The following ARID4B variants were observed in gnomAD, a reference collection of about 807,000 sequenced individuals.
ARID4B encodes AT-rich interaction domain 4B, also known as AT-rich interactive domain-containing protein 4B.
ARID4B carries 26 observed loss-of-function variants against 147.5 expected under a neutral mutation model. The observed-to-expected ratio is 0.18, with a 90% CI of 0.13 to 0.24. ARID4B has a LOEUF of 0.24. Ranked by LOEUF, ARID4B falls within the 10% of genes least tolerant of loss-of-function variation. The probability of loss-of-function intolerance (pLI) is 1.00; values close to 1 mark genes in which losing one functional copy is unlikely to be tolerated. For synonymous variants in ARID4B, 512 were observed against 507.9 expected, an observed-to-expected ratio of 1.01 and a Z score of -0.11; for missense variants, 1,179 against 1,511.5, an observed-to-expected ratio of 0.78 and a Z score of 3.65.
intron 2 of ARID4B, among the ~76,000 whole-genome samples, chr1:235,271,309 C>T (rs543787557): frequency 6.6e-6 from 1 of 152,252 alleles, no homozygotes; most frequent in Non-Finnish European, 1.5e-5. Context: ...GACTATATCA[C>T]TGCACTCCAG....
chr1:235,263,199 GA>G (rs1670396529), intron 2 of ARID4B, among the ~76,000 whole-genome samples: 1 of 152,016 alleles, frequency 6.6e-6, no homozygotes, highest in African/African-American at 2.4e-5. Context: ...AATTAAAACT[GA>G]TGAGGCAACT....
At chr1:235,251,908 A>G (rs1349902512) in intron 6 of ARID4B, among the ~76,000 whole-genome samples, 1 of 152,180 alleles carries the variant, frequency 6.6e-6, no homozygotes, top group East Asian at 1.9e-4. Context: ...ACATCTTTCA[A>G]TTTAAGGATA....
At chr1:235,215,484 C>T (rs985899461) in intron 16 of ARID4B, among the ~76,000 whole-genome samples, 23 of 148,918 alleles carry the variant, frequency 1.5e-4, no homozygotes, top group African/African-American at 5.4e-4. Flanking sequence ...AAAATATATG[C>T]TATATTATAT....
chr1:235,193,929 G>A (rs1352497784), intron 19 of ARID4B, 84 bp downstream of exon 19: 7 of 1,011,974 alleles, frequency 6.9e-6, no homozygotes, highest in South Asian at 5.1e-5. Flanking sequence ...ACAGTAGTTG[G>A]TAATGTCACT....
chr1:235,274,297 C>A (rs1671171957), intron 2 of ARID4B, among the ~76,000 whole-genome samples: 1 of 152,018 alleles, frequency 6.6e-6, no homozygotes, highest in Admixed American at 6.6e-5. Context: ...ATCACTTGAG[C>A]CCGGGAGGTG....
At chr1:235,321,574 C>T (rs1303633271) in intron 2 of ARID4B, among the ~76,000 whole-genome samples, 1 of 152,166 alleles carries the variant, frequency 6.6e-6, no homozygotes, top group East Asian at 1.9e-4. Flanking sequence ...GGCGTGATCT[C>T]GGCTCACTGC....
rs751895461 is a variant in ARID4B at position 235,193,997 on chromosome 1, CG to C, written c.2125+15del. The C allele has an allele frequency of 4.6e-5, 70 of 1,532,136 alleles. No homozygotes were observed. The highest frequency in any genetic ancestry group is 5.4e-5 in the Non-Finnish European group (60 of 1,115,564). 94.9% of individuals were successfully genotyped at this position (1,532,136 alleles called of 1,614,324 possible). A position where few individuals can be genotyped will look rare whatever the true frequency, so the allele number is the denominator to read the frequency against. On this transcript the variant is annotated intron_variant, in intron 19 of 23. Transcript: ENST00000264183. ...AAAATCAAATACTTGCACAACAGAA[CG>C]ATTGTTATGTTTACCTTGAAGTCCA...
intron 2 of ARID4B, among the ~76,000 whole-genome samples, chr1:235,296,835 A>AAGGAAGGAAGGG (rs1553313951): frequency 1.3e-3 from 26 of 19,612 alleles, no homozygotes; most frequent in African/African-American, 2.6e-3. Flanking sequence ...GGAAGGAAGG[A>AAGGAAGGAAGGG]AGGGAGGAAG....
chr1:235,173,292 C>G lies in ARID4B; in HGVS notation c.3665-528G>C, dbSNP rs536902917. On this transcript the variant is annotated intron_variant, in intron 22 of 23. Transcript: ENST00000264183. ...CTGGAAGGTGGAGGTTGGAGTGAGCCGAGATTGTGCCACTGCACGCTAGCC... is the reference window on the plus strand; with the variant it reads ...CTGGAAGGTGGAGGTTGGAGTGAGCGGAGATTGTGCCACTGCACGCTAGCC... 3.9e-5 allele frequency among the ~76,000 whole-genome samples: 6 copies of G among 152,130 alleles called. No individual in the cohort carries two copies. In the East Asian group the frequency reaches 7.7e-4, roughly 20 times the overall value.
At position 235,215,547 on chromosome 1, in the gene ARID4B, A is replaced by G. The variant is rs866837079; in HGVS notation, c.1584-1521T>C. The stretch of plus-strand genomic sequence containing the variant: ...TATATTACACCATGCACACATATAT[A>G]TGTGTGTGTGTGTGTGTGTGTGTGT... On this transcript the variant is annotated intron_variant, in intron 16 of 23. Coordinates refer to ENST00000264183, the MANE Select transcript of ARID4B (RefSeq NM_016374.6). Among the ~76,000 whole-genome samples the G allele has an allele frequency of 1.8e-3, 247 of 136,496 alleles. 2 individuals are homozygous for G. Among genetic ancestry groups the G allele is most frequent in the Middle Eastern group, 7.2e-3 (2 of 276 alleles). 89.5% of individuals were successfully genotyped at this position (136,496 alleles called of 152,430 possible).
intron 19 of ARID4B, chr1:235,187,253 T>C: frequency 4.9e-6 from 1 of 204,786 alleles, no homozygotes; most frequent in South Asian, 5.7e-5. Flanking sequence ...GGCTAACTGT[T>C]TTCTATTTTC....
intron 16 of ARID4B, among the ~76,000 whole-genome samples, chr1:235,214,836 CCT>C (rs1491555768): frequency 2.0e-5 from 1 of 49,658 alleles, no homozygotes; most frequent in African/African-American, 6.2e-5. Flanking sequence ...AGTATTACAT[CCT>C]TTTTTTTTTT....
intron 23 of ARID4B, among the ~76,000 whole-genome samples, chr1:235,172,054 T>C (rs1257422248): frequency 6.6e-6 from 1 of 152,248 alleles, no homozygotes; most frequent in Non-Finnish European, 1.5e-5. Context: ...TAACATCATT[T>C]TCTTCATAGT....
At chr1:235,296,944 C>T (rs191261484) in intron 2 of ARID4B, among the ~76,000 whole-genome samples, 199 of 152,048 alleles carry the variant, frequency 1.3e-3, no homozygotes, top group African/African-American at 3.4e-3. Context: ...CCTTAACACC[C>T]TGATTGTGAT....
chr1:235,236,862 A>ATATATATATATATATATATTTTT (rs1426582533), intron 8 of ARID4B, among the ~76,000 whole-genome samples: 1 of 17,492 alleles, frequency 5.7e-5, no homozygotes, highest in Non-Finnish European at 9.4e-5. Context: ...ATATATATAT[A>ATATATATATATATATATATTTTT]TTTTTTTTTT....
chr1:235,256,665 G>A (rs1381473863), intron 4 of ARID4B, among the ~76,000 whole-genome samples: 1 of 152,188 alleles, frequency 6.6e-6, no homozygotes, highest in African/African-American at 2.4e-5. Context: ...AGAAGTAAGA[G>A]CTCCGATTTT....
Position 235,193,966 on chromosome 1 carries a change from T to TA in ARID4B, c.2125+46dup, listed in dbSNP as rs772976225. On this transcript the variant is annotated intron_variant, in intron 19 of 23. Transcript: ENST00000264183. ...AATTACCTTTATAGAACTTGACTCA[T>TA]AAATTAAAATCAAATACTTGCACAA... 46 of 1,410,860 alleles carry TA rather than the reference T, an allele frequency of 3.3e-5. 1 individual carries two copies. The highest frequency in any genetic ancestry group is 1.5e-4 in the Admixed American group (8 of 52,124). 87.4% of individuals were successfully genotyped at this position (1,410,860 alleles called of 1,614,324 possible). A position where few individuals can be genotyped will look rare whatever the true frequency, so the allele number is the denominator to read the frequency against.
At chr1:235,296,703 G>A (rs368282388) in intron 2 of ARID4B, among the ~76,000 whole-genome samples, 2 of 148,444 alleles carry the variant, frequency 1.3e-5, no homozygotes, top group South Asian at 4.3e-4. Context: ...CAAGTGATCC[G>A]CCCACCTCAG....
chr1:235,285,944 C>G (rs1242443474), intron 2 of ARID4B, among the ~76,000 whole-genome samples: 1 of 152,074 alleles, frequency 6.6e-6, no homozygotes, highest in Non-Finnish European at 1.5e-5. Flanking sequence ...TGAGCCACAA[C>G]CTATTAATTA....
Sources: gnomAD v4.1 joint callset for allele counts (sites outside exome capture counted in the v4.1 genomes callset) on GRCh38, gnomAD v4.1.1 for gene constraint, MANE v1.5 for transcripts, NCBI Gene and HGNC (gene_info 2026-07-23, HGNC 2026-07-21) for gene names.